Variants in CPNE4 observed in about 807,000 individuals in gnomAD.
The protein encoded by CPNE4 is copine 4.
CPNE4 carries 25 observed loss-of-function variants against 67.9 expected under a neutral mutation model. That is an observed-to-expected ratio of 0.37 (90% confidence interval 0.27 to 0.51). The LOEUF is 0.51. Among genes scored for constraint, CPNE4 ranks in the 20% least tolerant of loss-of-function variants. The probability of loss-of-function intolerance (pLI) is 0.93; values close to 1 mark genes in which losing one functional copy is unlikely to be tolerated. For missense variants in CPNE4, 464 were observed against 690.8 expected, an observed-to-expected ratio of 0.67 and a Z score of 3.68; for synonymous variants, 242 against 244.9, an observed-to-expected ratio of 0.99 and a Z score of 0.11.
At chr3:131,759,816 T>C (rs1311281013) in intron 2 of CPNE4, among the ~76,000 whole-genome samples, 1 of 152,124 alleles carries the variant, frequency 6.6e-6, no homozygotes, top group Non-Finnish European at 1.5e-5. Flanking sequence ...AATGAGAAAA[T>C]TTCAGCACTA....
In CPNE4 at chr3:131,905,407, T is replaced by G. The variant is rs144693652; in HGVS notation, c.37A>C (p.Asn13His). 2.5e-6 allele frequency: 4 copies of G among 1,613,298 alleles called. No homozygotes were observed. Among genetic ancestry groups the G allele is most frequent in the Non-Finnish European group, 1.7e-6 (2 of 1,179,646 alleles). ...GGGCTGTTAAAGATTCCCAGTGTGT[T>G]GGCAGCGGACTCATAAATGTTGCTC... ...KMSNIYESAA[N>H]TLGIFNSPCL... Residue 13 changes from asparagine (N) to histidine (H), a missense_variant, in exon 2 of 16, where the codon AAC (asparagine) becomes CAC (histidine). Transcript: ENST00000429747.
At position 131,725,335 on chromosome 3, in the gene CPNE4, G is replaced by A. The variant is rs1001681550; in HGVS notation, c.181-1710C>T. 5.3e-5 allele frequency among the ~76,000 whole-genome samples: 8 copies of A among 152,240 alleles called. No individual in the cohort carries two copies. The East Asian group carries it at 1.5e-3, about 29-fold the overall frequency. On this transcript the variant is annotated intron_variant, in intron 2 of 15. Coordinates refer to ENST00000429747, the MANE Select transcript of CPNE4 (RefSeq NM_130808.3). ...TAAGGAACACTACCTGCCATTATTG[G>A]TTGGATGGACAATCCGGGTTGCAAG...
chr3:131,711,199 T>C (rs1560160164), intron 3 of CPNE4, among the ~76,000 whole-genome samples: 1 of 152,170 alleles, frequency 6.6e-6, no homozygotes, highest in African/African-American at 2.4e-5. Context: ...TCACAATACC[T>C]GATATGTAAA....
intron 2 of CPNE4, among the ~76,000 whole-genome samples, chr3:131,780,561 C>T (rs576794706): frequency 6.6e-6 from 1 of 152,046 alleles, no homozygotes; most frequent in Non-Finnish European, 1.5e-5. Context: ...TTATCCGAAG[C>T]AAATTAATGC....
chr3:131,711,506 G>A (rs2081556265), intron 3 of CPNE4, among the ~76,000 whole-genome samples: 1 of 152,144 alleles, frequency 6.6e-6, no homozygotes, highest in Non-Finnish European at 1.5e-5. Flanking sequence ...TGCTGAAGAA[G>A]AGTGAGGGAA....
Position 131,990,879 on chromosome 3 carries a change from A to G in CPNE4, c.-2+43688T>C, listed in dbSNP as rs894551011. On this transcript the variant is annotated intron_variant, in intron 1 of 15. Transcript: ENST00000429747. The stretch of plus-strand genomic sequence containing the variant: ...TGGGAGGTAACTGAATCACGGGGGA[A>G]GTTACTCCCATGCTTTCTTGTGACA... Among the ~76,000 whole-genome samples, 4 of 135,574 alleles carry G rather than the reference A, an allele frequency of 3.0e-5. 1 individual carries two copies. Among genetic ancestry groups the G allele is most frequent in the Non-Finnish European group, 6.7e-5 (4 of 59,716 alleles). The allele number at this position is 135,574 out of a possible 152,430, so 88.9% of individuals were successfully genotyped here. A position where few individuals can be genotyped will look rare whatever the true frequency, so the allele number is the denominator to read the frequency against.
At chr3:131,889,365 A>G (rs2088017998) in intron 2 of CPNE4, among the ~76,000 whole-genome samples, 1 of 152,300 alleles carries the variant, frequency 6.6e-6, no homozygotes, top group African/African-American at 2.4e-5. Context: ...AAAGGCTCAG[A>G]GATGTTAAGT....
intron 6 of CPNE4, among the ~76,000 whole-genome samples, chr3:131,671,578 C>T (rs181779126): frequency 3.9e-5 from 6 of 152,128 alleles, no homozygotes; most frequent in African/African-American, 1.2e-4. Flanking sequence ...CATGTTGCTT[C>T]ACTCATCGGA....
intron 7 of CPNE4, among the ~76,000 whole-genome samples, chr3:131,592,221 G>T (rs1328255767): frequency 6.6e-6 from 1 of 152,138 alleles, no homozygotes; most frequent in Non-Finnish European, 1.5e-5. Context: ...GCCAGACATT[G>T]TTCAGAGCAC....
intron 2 of CPNE4, among the ~76,000 whole-genome samples, chr3:131,778,313 C>T (rs965471198): frequency 1.3e-5 from 2 of 152,082 alleles, no homozygotes; most frequent in African/African-American, 4.8e-5. Context: ...GTGTACCCTT[C>T]CCAGGAGCGT....
intron 5 of CPNE4, among the ~76,000 whole-genome samples, chr3:131,687,197 T>C (rs1383534526): frequency 6.6e-6 from 1 of 152,232 alleles, no homozygotes; most frequent in African/African-American, 2.4e-5. Flanking sequence ...GAGAGAGTGA[T>C]GTAAAATAAC....
chr3:131,875,209 T>C (rs2087387158), intron 2 of CPNE4, among the ~76,000 whole-genome samples: 1 of 152,192 alleles, frequency 6.6e-6, no homozygotes, highest in Admixed American at 6.5e-5. Context: ...ACTAAATAGA[T>C]ACATTATCAC....
intron 2 of CPNE4, among the ~76,000 whole-genome samples, chr3:131,790,919 T>A (rs111640094): frequency 3.3e-5 from 5 of 152,286 alleles, no homozygotes; most frequent in African/African-American, 1.2e-4. Context: ...TTAACATGTT[T>A]TATTGTGCAG....
chr3:131,714,396 T>G (rs2107728612), intron 3 of CPNE4, among the ~76,000 whole-genome samples: 1 of 152,294 alleles, frequency 6.6e-6, no homozygotes, highest in South Asian at 2.1e-4. Context: ...GAGAAAAAAC[T>G]TTGGCACTCA....
At chr3:131,987,271 A>C (rs2073075891) in intron 1 of CPNE4, among the ~76,000 whole-genome samples, 1 of 152,222 alleles carries the variant, frequency 6.6e-6, no homozygotes, top group African/African-American at 2.4e-5. Context: ...GAAAAGAAGA[A>C]GGAAAACCTC....
chr3:131,652,068 T>C (rs564637277), intron 7 of CPNE4, among the ~76,000 whole-genome samples: 1,768 of 152,312 alleles, frequency 0.012, 45 homozygotes, highest in African/African-American at 0.04. Context: ...AGCTTACTTG[T>C]TTTAATAAAT....
chr3:131,977,756 T>C (rs1583546281), intron 1 of CPNE4, among the ~76,000 whole-genome samples: 1 of 152,038 alleles, frequency 6.6e-6, no homozygotes, highest in Non-Finnish European at 1.5e-5. Flanking sequence ...CTTTAGTGAT[T>C]TGTGAGATTT....
intron 7 of CPNE4, among the ~76,000 whole-genome samples, chr3:131,606,985 T>C (rs1027739153): frequency 4.0e-5 from 6 of 151,354 alleles, no homozygotes; most frequent in Non-Finnish European, 5.9e-5. Context: ...AGTTATCTAG[T>C]GTGAGAAAAA....
intron 15 of CPNE4, among the ~76,000 whole-genome samples, chr3:131,539,200 T>G (rs1303716894): frequency 6.6e-6 from 1 of 152,148 alleles, no homozygotes; most frequent in African/African-American, 2.4e-5. Flanking sequence ...GATGGGTGAG[T>G]ATGCGCCTGG....
Sources: allele counts gnomAD v4.1 joint callset (sites outside exome capture counted in the v4.1 genomes callset), GRCh38; gene constraint gnomAD v4.1.1; transcripts MANE v1.5; gene names NCBI Gene and HGNC (gene_info 2026-07-23, HGNC 2026-07-21).